The following CACNA2D3 variants were observed in gnomAD, a reference collection of about 807,000 sequenced individuals.
CACNA2D3 encodes voltage-dependent calcium channel subunit alpha-2/delta-3.
CACNA2D3 carries 60 observed loss-of-function variants against 160.6 expected under a neutral mutation model. The observed-to-expected ratio is 0.37, with a 90% confidence interval of 0.30 to 0.46. The LOEUF (loss-of-function observed/expected upper bound fraction) is 0.46. CACNA2D3 is among the 20% of genes least tolerant of loss of function. The probability of loss-of-function intolerance (pLI) is 1.00; values close to 1 mark genes in which losing one functional copy is unlikely to be tolerated. For missense variants in CACNA2D3, 1,205 were observed against 1,365.0 expected (o/e 0.88, Z 1.85); for synonymous variants, 558 against 492.9 (o/e 1.13, Z -1.75).
chr3:54,670,300 C>G (rs1700136700), intron 11 of CACNA2D3, among the ~76,000 whole-genome samples: 1 of 152,186 alleles, frequency 6.6e-6, no homozygotes, highest in Non-Finnish European at 1.5e-5. Context: ...ATTAGGTGCA[C>G]AGACGTGTGC....
intron 3 of CACNA2D3, among the ~76,000 whole-genome samples, chr3:54,334,865 C>T (rs574227597): frequency 6.6e-6 from 1 of 152,294 alleles, no homozygotes; most frequent in South Asian, 2.1e-4. Flanking sequence ...GGTTTGGGCA[C>T]CAAACTCACT....
intron 9 of CACNA2D3, among the ~76,000 whole-genome samples, chr3:54,618,010 T>A (rs1165353855): frequency 1.3e-5 from 2 of 151,776 alleles, no homozygotes. Flanking sequence ...GATACTTTCA[T>A]AGACTAAAAA....
intron 22 of CACNA2D3, 41 bp downstream of exon 22, chr3:54,885,367 A>C (rs756082726): frequency 6.8e-6 from 11 of 1,610,650 alleles, no homozygotes; most frequent in Non-Finnish European, 8.5e-6. Context: ...GGCATCCTTC[A>C]TTGCCCTCTT....
At chr3:54,568,346 G>T (rs192010447) in intron 6 of CACNA2D3, among the ~76,000 whole-genome samples, 13 of 152,228 alleles carry the variant, frequency 8.5e-5, no homozygotes, top group Non-Finnish European at 2.9e-5. Flanking sequence ...TACATTCTGG[G>T]GACAGGGGTG....
At chr3:54,742,986 C>G (rs1575452733) in intron 11 of CACNA2D3, among the ~76,000 whole-genome samples, 1 of 152,140 alleles carries the variant, frequency 6.6e-6, no homozygotes, top group Non-Finnish European at 1.5e-5. Context: ...AGTAAAATCT[C>G]AACTGATTGA....
At chr3:55,009,259 T>C (rs1452511327) in intron 33 of CACNA2D3, 129 bp from the exon 34 acceptor site, 1 of 769,344 alleles carries the variant, frequency 1.3e-6, no homozygotes, top group Non-Finnish European at 2.2e-6. Flanking sequence ...CTCAGCCAAC[T>C]GTGTTGATAT....
intron 11 of CACNA2D3, among the ~76,000 whole-genome samples, chr3:54,716,950 C>G (rs1444091721): frequency 1.3e-5 from 2 of 150,094 alleles, no homozygotes; most frequent in East Asian, 3.9e-4. Flanking sequence ...CATGTTAAAT[C>G]ATAGCGTCAA....
intron 34 of CACNA2D3, among the ~76,000 whole-genome samples, chr3:55,015,368 T>G (rs1333228341): frequency 2.0e-5 from 3 of 152,186 alleles, no homozygotes; most frequent in Admixed American, 2.0e-4. Context: ...ATAACAACTG[T>G]TCATACCTCA....
intron 14 of CACNA2D3, among the ~76,000 whole-genome samples, chr3:54,822,782 C>CTTTTCT (rs1207812302): frequency 1.3e-5 from 1 of 77,556 alleles, no homozygotes. Flanking sequence ...TTCTTTCTTT[C>CTTTTCT]TTTCTTTCCT....
At chr3:54,158,881 C>G (rs1046948539) in intron 2 of CACNA2D3, among the ~76,000 whole-genome samples, 8 of 152,198 alleles carry the variant, frequency 5.3e-5, no homozygotes, top group Admixed American at 5.2e-4. Context: ...CCTCTGTGCA[C>G]ATGAAATCGA....
intron 35 of CACNA2D3, among the ~76,000 whole-genome samples, chr3:55,061,310 CG>C (rs1411572357): frequency 1.3e-5 from 2 of 152,154 alleles, no homozygotes; most frequent in East Asian, 3.9e-4. Context: ...ACTGGTGAAA[CG>C]GAGCAGAAGA....
intron 29 of CACNA2D3, among the ~76,000 whole-genome samples, chr3:54,971,580 A>G (rs1409480806): frequency 6.6e-6 from 1 of 152,194 alleles, no homozygotes; most frequent in East Asian, 1.9e-4. Flanking sequence ...TTGATTGGAT[A>G]GATGGTTGGA....
At chr3:55,065,267 T>C (rs1439013938) in intron 35 of CACNA2D3, among the ~76,000 whole-genome samples, 1 of 152,156 alleles carries the variant, frequency 6.6e-6, no homozygotes, top group African/African-American at 2.4e-5. Context: ...GTGAACTGGA[T>C]GTCAAGTGGG....
chr3:54,676,953 C>T (rs1281097171), intron 11 of CACNA2D3, among the ~76,000 whole-genome samples: 1 of 152,138 alleles, frequency 6.6e-6, no homozygotes, highest in Non-Finnish European at 1.5e-5. Flanking sequence ...AGTTCTGGTT[C>T]AGCACGTTCA....
At chr3:54,596,153 G>A (rs1456210265) in intron 9 of CACNA2D3, among the ~76,000 whole-genome samples, 11 of 152,022 alleles carry the variant, frequency 7.2e-5, no homozygotes, top group Admixed American at 2.0e-4. Context: ...GCCATTTTAG[G>A]TCCCTCCTTC....
At chr3:54,276,586 A>AC (rs200169837) in intron 2 of CACNA2D3, among the ~76,000 whole-genome samples, 21,963 of 146,610 alleles carry the variant, frequency 0.15, 1,998 homozygotes, top group South Asian at 0.21. Flanking sequence ...AAAAAAAAAA[A>AC]AAAAGAAGAA....
intron 14 of CACNA2D3, among the ~76,000 whole-genome samples, chr3:54,829,241 G>C (rs1309067667): frequency 6.6e-6 from 1 of 152,152 alleles, no homozygotes; most frequent in Non-Finnish European, 1.5e-5. Flanking sequence ...AAAGGTGTCT[G>C]TATCTCTACT....
Position 55,074,204 on chromosome 3 carries a change from T to C in CACNA2D3, c.3274T>C (p.Ter1092ArgextTer2). 1 of 1,611,302 alleles carries C rather than the reference T, an allele frequency of 6.2e-7. No individual in the cohort carries two copies. Among genetic ancestry groups the C allele is most frequent in the Non-Finnish European group, 8.5e-7 (1 of 1,177,472 alleles). ...LPLLLMLFSR[*>R] is the part of the protein sequence containing the mutation. ...TCTGCTTTTGATGCTCTTCTCAAGG[T>C]GACACTGACTGAGATGTTCTCTTAC... is the stretch of plus-strand genomic sequence containing the variant. The change falls in exon 38 of 38, where the codon TGA (stop) becomes CGA (arginine). Residue 1092 changes from the stop codon to arginine (R), a stop_lost. Transcript: ENST00000474759.
intron 13 of CACNA2D3, among the ~76,000 whole-genome samples, chr3:54,807,868 T>C (rs1312891565): frequency 6.7e-6 from 1 of 149,972 alleles, no homozygotes; most frequent in African/African-American, 2.5e-5. Context: ...TGGAATACTA[T>C]GCAGCCATAA....
Sources: gnomAD v4.1 joint callset for allele counts (sites outside exome capture counted in the v4.1 genomes callset) on GRCh38, gnomAD v4.1.1 for gene constraint, MANE v1.5 for transcripts, NCBI Gene and HGNC (gene_info 2026-07-23, HGNC 2026-07-21) for gene names.